The following ARHGAP15 variants were observed in gnomAD, a reference collection of about 807,000 sequenced individuals.
The protein encoded by ARHGAP15 is Rho GTPase activating protein 15.
In ARHGAP15, 51 loss-of-function variants were observed where a neutral mutation model predicts 63.7. The ratio of observed to expected loss-of-function variants is 0.80; its 90% CI spans 0.64 to 1.01. ARHGAP15 has a LOEUF of 1.01. Ranked by LOEUF, ARHGAP15 falls within the 50% of genes least tolerant of loss-of-function variation. The pLI, the probability that ARHGAP15 is intolerant of heterozygous loss-of-function variation, is 0.00. For missense variants in ARHGAP15, 560 were observed against 564.6 expected (o/e 0.99, Z 0.08); for synonymous variants, 191 against 193.8 (o/e 0.99, Z 0.12).
intron 13 of ARHGAP15, among the ~76,000 whole-genome samples, chr2:143,731,129 T>G (rs1161479701): frequency 1.3e-5 from 2 of 152,066 alleles, no homozygotes; most frequent in Non-Finnish European, 2.9e-5. Context: ...AATCCTCTCA[T>G]TTCAAAGATG....
chr2:143,382,809 C>G (rs1188002999), intron 6 of ARHGAP15, among the ~76,000 whole-genome samples: 1 of 152,162 alleles, frequency 6.6e-6, no homozygotes, highest in Non-Finnish European at 1.5e-5. Flanking sequence ...TTCACTTGCT[C>G]TCTTGGTTTG....
At chr2:143,210,641 G>A (rs963602392) in intron 3 of ARHGAP15, among the ~76,000 whole-genome samples, 4 of 152,050 alleles carry the variant, frequency 2.6e-5, no homozygotes, top group African/African-American at 9.7e-5. Context: ...AAGGGAGGGA[G>A]GCTACCCATG....
At chr2:143,163,147 G>A (rs528871950) in intron 2 of ARHGAP15, among the ~76,000 whole-genome samples, 9 of 152,022 alleles carry the variant, frequency 5.9e-5, no homozygotes, top group African/African-American at 1.9e-4. Context: ...CTGATAAATG[G>A]CACTTTAAAA....
chr2:143,448,214 G>A (rs1447787795), intron 8 of ARHGAP15, among the ~76,000 whole-genome samples: 4 of 152,080 alleles, frequency 2.6e-5, no homozygotes, highest in East Asian at 1.9e-4. Flanking sequence ...AAACATTGGG[G>A]CAACAACTGG....
rs564566994 is a variant in ARHGAP15 at position 143,416,406 on chromosome 2, A to G, written c.475-19195A>G. On this transcript the variant is annotated intron_variant, in intron 6 of 13. Coordinates refer to ENST00000295095, the MANE Select transcript of ARHGAP15 (RefSeq NM_018460.4). ...GTCCTGGGGACCCTGCAAGCCATAA[A>G]GAGGCAAAATTAGAGTTTCTGTCCT... Among the ~76,000 whole-genome samples the G allele has an allele frequency of 1.7e-3, 259 of 152,306 alleles. 1 individual carries two copies. The highest frequency in any genetic ancestry group is 6.2e-3 in the African/African-American group (257 of 41,582).
At chr2:143,705,282 G>T (rs1014590841) in intron 13 of ARHGAP15, among the ~76,000 whole-genome samples, 2 of 152,136 alleles carry the variant, frequency 1.3e-5, no homozygotes, top group Non-Finnish European at 2.9e-5. Flanking sequence ...CTTACTATTA[G>T]AGTGTTCCTT....
At chr2:143,762,684 A>T (rs911059089) in intron 13 of ARHGAP15, among the ~76,000 whole-genome samples, 2 of 151,658 alleles carry the variant, frequency 1.3e-5, no homozygotes, top group African/African-American at 4.8e-5. Context: ...GGAGGACACA[A>T]GTTAAAGATT....
At chr2:143,448,263 G>T (rs1032087811) in intron 8 of ARHGAP15, among the ~76,000 whole-genome samples, 2 of 152,032 alleles carry the variant, frequency 1.3e-5, no homozygotes, top group Non-Finnish European at 1.5e-5. Flanking sequence ...ATTGGCAAAG[G>T]GTCTCTCACG....
chr2:143,477,815 C>T (rs1411490284), intron 8 of ARHGAP15, among the ~76,000 whole-genome samples: 2 of 152,216 alleles, frequency 1.3e-5, no homozygotes, highest in Non-Finnish European at 2.9e-5. Flanking sequence ...TGATCCTGAA[C>T]TCTTACACTC....
chr2:143,539,686 A>T (rs1418436279), intron 10 of ARHGAP15, among the ~76,000 whole-genome samples: 2 of 152,008 alleles, frequency 1.3e-5, no homozygotes, highest in African/African-American at 4.8e-5. Flanking sequence ...GTAGTTGAGC[A>T]GTTTTGAGTG....
At chr2:143,144,262 T>C (rs1444213000) in intron 1 of ARHGAP15, among the ~76,000 whole-genome samples, 3 of 152,054 alleles carry the variant, frequency 2.0e-5, no homozygotes, top group African/African-American at 4.8e-5. Flanking sequence ...TTCCTTTGGG[T>C]ATATACCTAG....
chr2:143,330,094 C>CAAAAAAAAAAAAACAAAAAAAAA (rs1684445402), intron 6 of ARHGAP15, among the ~76,000 whole-genome samples: 1 of 1,688 alleles, frequency 5.9e-4, no homozygotes, highest in Non-Finnish European at 1.4e-3. Context: ...GGCTCTGTCT[C>CAAAAAAAAAAAAACAAAAAAAAA]AAAAAAAAAA....
intron 13 of ARHGAP15, among the ~76,000 whole-genome samples, chr2:143,710,276 C>T (rs1279619954): frequency 6.6e-6 from 1 of 152,140 alleles, no homozygotes; most frequent in African/African-American, 2.4e-5. Context: ...CTTTAAAGAG[C>T]TAATGTACTT....
intron 6 of ARHGAP15, among the ~76,000 whole-genome samples, chr2:143,389,630 A>C (rs886245916): frequency 1.3e-5 from 2 of 152,178 alleles, no homozygotes; most frequent in Non-Finnish European, 2.9e-5. Context: ...GTAAGTCCAC[A>C]TGGGGCAGAC....
At chr2:143,396,822 C>T (rs1314533874) in intron 6 of ARHGAP15, among the ~76,000 whole-genome samples, 1 of 151,930 alleles carries the variant, frequency 6.6e-6, no homozygotes, top group African/African-American at 2.4e-5. Context: ...CAGGAGCACA[C>T]TGGAGTGCAT....
chr2:143,406,522 C>T (rs1459730298), intron 6 of ARHGAP15, among the ~76,000 whole-genome samples: 1 of 151,826 alleles, frequency 6.6e-6, no homozygotes, highest in African/African-American at 2.4e-5. Flanking sequence ...TTCTTTAAAT[C>T]CCCATGTTCC....
chr2:143,593,236 T>A (rs1697389012), intron 11 of ARHGAP15: 2 of 152,218 alleles, frequency 1.3e-5, no homozygotes, highest in African/African-American at 4.8e-5. Flanking sequence ...CAAACCCAAA[T>A]GCTTGTTGGA....
intron 10 of ARHGAP15, among the ~76,000 whole-genome samples, chr2:143,543,100 A>G (rs1559040950): frequency 6.6e-6 from 1 of 151,614 alleles, no homozygotes; most frequent in Non-Finnish European, 1.5e-5. Flanking sequence ...TCTATTTTTA[A>G]TTGTTTGAGG....
chr2:143,319,121 C>A (rs1574266582), intron 6 of ARHGAP15, among the ~76,000 whole-genome samples: 1 of 151,928 alleles, frequency 6.6e-6, no homozygotes, highest in African/African-American at 2.4e-5. Flanking sequence ...TGATTACTTG[C>A]CAGGATATAT....
Sources: gnomAD v4.1 joint callset for allele counts (sites outside exome capture counted in the v4.1 genomes callset) on GRCh38, gnomAD v4.1.1 for gene constraint, MANE v1.5 for transcripts, NCBI Gene and HGNC (gene_info 2026-07-23, HGNC 2026-07-21) for gene names.